The following LRIG3 variants were observed in gnomAD, a reference collection of about 807,000 sequenced individuals.
The protein encoded by LRIG3 is leucine-rich repeats and immunoglobulin-like domains protein 3.
Under a neutral mutation model 114.5 loss-of-function variants are expected in LRIG3, and 76 were observed. That is an observed-to-expected ratio of 0.66 (90% confidence interval 0.55 to 0.80). The LOEUF (loss-of-function observed/expected upper bound fraction) is 0.80, where lower values mean the gene tolerates loss of function less well. Ranked by LOEUF, LRIG3 falls within the 30% of genes least tolerant of loss-of-function variation. The pLI is 0.00. For synonymous variants in LRIG3, 512 were observed against 519.8 expected, an observed-to-expected ratio of 0.98 and a Z score of 0.20; for missense variants, 1,239 against 1,382.8, an observed-to-expected ratio of 0.90 and a Z score of 1.65.
At chr12:58,886,590 A>G (rs1048344003) in intron 9 of LRIG3, among the ~76,000 whole-genome samples, 1 of 152,190 alleles carries the variant, frequency 6.6e-6, no homozygotes, top group African/African-American at 2.4e-5. Context: ...TAAATTACAC[A>G]TACTAAAATG....
At chr12:58,908,398 A>T (rs1314460616) in intron 3 of LRIG3, among the ~76,000 whole-genome samples, 1 of 152,166 alleles carries the variant, frequency 6.6e-6, no homozygotes, top group Non-Finnish European at 1.5e-5. Context: ...CAGAAATGTG[A>T]AGGGCACAGG....
chr12:58,887,698 C>T, intron 8 of LRIG3, 91 bp downstream of exon 8: 1 of 1,404,010 alleles, frequency 7.1e-7, no homozygotes, highest in Non-Finnish European at 9.8e-7. Flanking sequence ...GTATGCATTT[C>T]CTTGACAACA....
intron 3 of LRIG3, among the ~76,000 whole-genome samples, chr12:58,907,265 T>C (rs1644014069): frequency 6.6e-6 from 1 of 152,226 alleles, no homozygotes; most frequent in South Asian, 2.1e-4. Context: ...GTAGGCATTG[T>C]TGCTGGGCAT....
At chr12:58,895,526 G>A (rs183687662) in intron 3 of LRIG3, among the ~76,000 whole-genome samples, 6 of 152,310 alleles carry the variant, frequency 3.9e-5, no homozygotes, top group African/African-American at 9.6e-5. Flanking sequence ...CAGAGTGCAC[G>A]GGTGGAGAGT....
chr12:58,920,082 G>T lies in LRIG3; in HGVS notation c.154C>A (p.Arg52Ser). 3 of 1,556,292 alleles carry T rather than the reference G, an allele frequency of 1.9e-6. No individual in the cohort carries two copies. Among genetic ancestry groups the T allele is most frequent in the Non-Finnish European group, 2.6e-6 (3 of 1,150,302 alleles). ...CAGTCCAGCAGGTCCCCGAGGCAGC[G>T]GCAGGTAGTGGGGCATGGGCGCTCG... ...AAERPCPTTC[R>S]CLGDLLDCSR... is the part of the protein sequence containing the mutation. Residue 52 changes from arginine to serine, a missense_variant, in exon 1 of 19, where the codon CGC (arginine) becomes AGC (serine). Transcript: ENST00000320743.
chr12:58,918,819 T>C (rs1872568036), intron 1 of LRIG3, among the ~76,000 whole-genome samples: 1 of 152,206 alleles, frequency 6.6e-6, no homozygotes, highest in South Asian at 2.1e-4. Flanking sequence ...CCAATACTAA[T>C]TCTACTTTAT....
At chr12:58,909,781 C>T (rs763911876) in intron 3 of LRIG3, among the ~76,000 whole-genome samples, 1 of 152,204 alleles carries the variant, frequency 6.6e-6, no homozygotes, top group Non-Finnish European at 1.5e-5. Context: ...AATTCCAGGC[C>T]ACCTGACTTG....
intron 3 of LRIG3, among the ~76,000 whole-genome samples, chr12:58,908,348 T>C (rs1399110303): frequency 6.6e-6 from 1 of 152,208 alleles, no homozygotes; most frequent in Non-Finnish European, 1.5e-5. Flanking sequence ...GTCACTGTTG[T>C]GCATTTTAAA....
rs767816256 is a variant in LRIG3, at chr12:58,885,951, G to A, written c.1173-49C>T. ...GCACTTAATTTAAAAAGCCATTTTG[G>A]GGTGGAACTCTCATAAACAGAACTG... On this transcript the variant is annotated intron_variant, in intron 9 of 18. Coordinates refer to ENST00000320743, the MANE Select transcript of LRIG3 (RefSeq NM_153377.5). 2.3e-6 allele frequency: 3 copies of A among 1,281,626 alleles called. No individual in the cohort carries two copies. The African/African-American group carries it at 4.5e-5, about 19-fold the overall frequency. The allele number at this position is 1,281,626 out of a possible 1,614,324, so 79.4% of individuals were successfully genotyped here. A position where few individuals can be genotyped will look rare whatever the true frequency, so the allele number is the denominator to read the frequency against.
chr12:58,889,969 CA>C (rs1418194561), intron 5 of LRIG3, 26 bp downstream of exon 5: 1 of 1,608,070 alleles, frequency 6.2e-7, no homozygotes, highest in Non-Finnish European at 8.5e-7. Flanking sequence ...AGGTGAGAAA[CA>C]GTATCTAAGA....
chr12:58,889,549 G>A (rs894691725), intron 5 of LRIG3, among the ~76,000 whole-genome samples: 1 of 152,008 alleles, frequency 6.6e-6, no homozygotes, highest in African/African-American at 2.4e-5. Context: ...CTCCCCAAGT[G>A]TTTGTAATGT....
chr12:58,874,453 T>C lies in LRIG3; in HGVS notation c.2816A>G (p.Asp939Gly), dbSNP rs1161455397. 1 of 1,614,176 alleles carries C rather than the reference T, an allele frequency of 6.2e-7. No individual in the cohort carries two copies. Among genetic ancestry groups the C allele is most frequent in the South Asian group, 1.1e-5 (1 of 91,084 alleles). Reference protein sequence around the residue: ...MYLKGNVYGSDPFETYHTGCS... With the variant: ...MYLKGNVYGSGPFETYHTGCS... ...ACCTGTATGATATGTTTCAAAAGGA[T>C]CTGAGCCATACACATTTCCCTTCAA... is the stretch of plus-strand genomic sequence containing the variant. Residue 939 changes from aspartate (D) to glycine (G), a missense_variant, in exon 17 of 19, where the codon GAT (aspartate) becomes GGT (glycine). Asp to Gly is a moderately conservative substitution (Grantham distance 94). Coordinates refer to ENST00000320743, the MANE Select transcript of LRIG3 (RefSeq NM_153377.5).
intron 3 of LRIG3, among the ~76,000 whole-genome samples, chr12:58,903,641 A>G (rs1307025424): frequency 5.3e-5 from 8 of 151,384 alleles, no homozygotes; most frequent in South Asian, 4.2e-4. Context: ...GTCCTTGCCC[A>G]TGCCTATGTC....
intron 1 of LRIG3, among the ~76,000 whole-genome samples, chr12:58,918,827 T>C (rs1170921128): frequency 6.6e-6 from 1 of 152,232 alleles, no homozygotes; most frequent in Non-Finnish European, 1.5e-5. Context: ...AATTCTACTT[T>C]ATTAAACTAA....
Position 58,886,794 on chromosome 12 carries a change from G to A in LRIG3, c.1172+16C>T. ...AATCAAAGAGTGAGCTAAATTATGA[G>A]GCAATTCATACTCACAGTCGCCTCA... On this transcript the variant is annotated intron_variant, in intron 9 of 18. Transcript: ENST00000320743. 4 of 1,609,720 alleles carry A rather than the reference G, an allele frequency of 2.5e-6. No homozygotes were observed. The highest frequency in any genetic ancestry group is 2.5e-6 in the Non-Finnish European group (3 of 1,176,512).
intron 14 of LRIG3, among the ~76,000 whole-genome samples, chr12:58,878,427 T>C (rs918317773): frequency 2.0e-5 from 3 of 152,186 alleles, no homozygotes; most frequent in East Asian, 1.9e-4. Context: ...CGGAGAGGTA[T>C]GGTAGGCTGA....
chr12:58,887,253 C>T (rs1291177707), intron 8 of LRIG3, among the ~76,000 whole-genome samples: 7 of 151,832 alleles, frequency 4.6e-5, no homozygotes, highest in African/African-American at 9.7e-5. Context: ...CTTTCAATTA[C>T]GTAATGCTTC....
chr12:58,913,726 G>T (rs1872368705), intron 3 of LRIG3: 2 of 422,374 alleles, frequency 4.7e-6, no homozygotes, highest in African/African-American at 4.1e-5. Context: ...TGTAAAGCTG[G>T]CCTCTTTGAA....
At chr12:58,878,203 A>T (rs1399654725) in intron 14 of LRIG3, among the ~76,000 whole-genome samples, 1 of 151,948 alleles carries the variant, frequency 6.6e-6, no homozygotes, top group African/African-American at 2.4e-5. Context: ...GTTGATAAAT[A>T]AAAAAAATCA....
Sources: gnomAD v4.1 joint callset for allele counts (sites outside exome capture counted in the v4.1 genomes callset) on GRCh38, gnomAD v4.1.1 for gene constraint, MANE v1.5 for transcripts, NCBI Gene and HGNC (gene_info 2026-07-23, HGNC 2026-07-21) for gene names.